Variants in GLDC observed in about 807,000 individuals in gnomAD.
The protein encoded by GLDC is glycine decarboxylase, also known as glycine dehydrogenase (decarboxylating), mitochondrial.
A neutral mutation model predicts 121.3 loss-of-function variants in GLDC; 104 were observed. The observed-to-expected ratio is 0.86, with a 90% CI of 0.73 to 1.01. GLDC has a LOEUF of 1.01. Ranked by LOEUF, GLDC falls within the 50% of genes least tolerant of loss-of-function variation. The pLI, the probability that GLDC is intolerant of heterozygous loss-of-function variation, is 0.00. For missense variants in GLDC, 1,429 were observed against 1,306.6 expected, an observed-to-expected ratio of 1.09 and a Z score of -1.44; for synonymous variants, 546 against 480.6, an observed-to-expected ratio of 1.14 and a Z score of -1.78.
intron 3 of GLDC, among the ~76,000 whole-genome samples, chr9:6,612,282 C>T (rs751672181): frequency 5.3e-5 from 8 of 150,228 alleles, no homozygotes; most frequent in Middle Eastern, 3.2e-3. Context: ...TACACATAGC[C>T]GCACACCAAC....
At chr9:6,570,097 T>C (rs868116060) in intron 15 of GLDC, among the ~76,000 whole-genome samples, 1 of 152,200 alleles carries the variant, frequency 6.6e-6, no homozygotes. Context: ...TTTTTATATA[T>C]GCAAAAAGTA....
rs373987254 is a variant in GLDC at position 6,540,156 on chromosome 9, A to G, written c.2570-10T>C. On this transcript the variant is annotated splice_polypyrimidine_tract_variant and intron_variant, in intron 21 of 24. Transcript: ENST00000321612. ...TCATGACCCACATAACCTGTTCAGG[A>G]AAGTTGTTTCAGCCCAAGATTAGCA... The G allele has an allele frequency of 1.8e-4, 276 of 1,576,200 alleles. No homozygotes were observed. Among genetic ancestry groups the G allele is most frequent in the Non-Finnish European group, 2.0e-4 (230 of 1,145,434 alleles).
intron 15 of GLDC, chr9:6,569,368 G>A (rs971214332): frequency 4.6e-5 from 7 of 152,090 alleles, no homozygotes; most frequent in Non-Finnish European, 8.8e-5. Context: ...AGAAATGGAT[G>A]TTGTGCCGGG....
intron 15 of GLDC, among the ~76,000 whole-genome samples, chr9:6,571,112 A>T (rs987388671): frequency 6.6e-6 from 1 of 152,098 alleles, no homozygotes; most frequent in African/African-American, 2.4e-5. Context: ...TTATAGACAC[A>T]AGCAAGATTA....
rs147184200 is a variant in GLDC at position 6,611,012 on chromosome 9, T to G, written c.471-656A>C. On this transcript the variant is annotated intron_variant, in intron 3 of 24. Transcript: ENST00000321612. ...CATCCAAGAATCTAACATGTAATAC[T>G]CAAACATTTTATTTATTTATTTGGA... is the stretch of plus-strand genomic sequence containing the variant. 5.8e-3 allele frequency among the ~76,000 whole-genome samples: 885 copies of G among 152,362 alleles called. 13 individuals are homozygous for G. The highest frequency in any genetic ancestry group is 0.02 in the African/African-American group (838 of 41,576).
At chr9:6,561,408 G>T (rs1312797450) in intron 16 of GLDC, among the ~76,000 whole-genome samples, 2 of 152,148 alleles carry the variant, frequency 1.3e-5, no homozygotes, top group African/African-American at 4.8e-5. Flanking sequence ...CAGCACTTTG[G>T]GAGGCTGAGG....
At chr9:6,616,477 C>A (rs1191852933) in intron 3 of GLDC, among the ~76,000 whole-genome samples, 1 of 152,158 alleles carries the variant, frequency 6.6e-6, no homozygotes, top group Admixed American at 6.5e-5. Flanking sequence ...TGAAATTAAA[C>A]AGGTGTTAAT....
chr9:6,614,048 A>G (rs907708260), intron 3 of GLDC, among the ~76,000 whole-genome samples: 3 of 151,970 alleles, frequency 2.0e-5, no homozygotes, highest in Admixed American at 2.0e-4. Flanking sequence ...AAGTGCTGGG[A>G]TTACAGGCGT....
intron 10 of GLDC, 67 bp downstream of exon 10, chr9:6,592,784 A>G: frequency 6.9e-7 from 1 of 1,454,388 alleles, no homozygotes. Flanking sequence ...AACAAAGAGA[A>G]AACCTTTTAA....
At chr9:6,589,785 G>A (rs1052463907) in intron 11 of GLDC, among the ~76,000 whole-genome samples, 6 of 152,142 alleles carry the variant, frequency 3.9e-5, no homozygotes, top group Non-Finnish European at 7.4e-5. Flanking sequence ...GGCCAGGCGC[G>A]GTGGCTCACA....
chr9:6,609,861 T>C (rs1459468180), intron 4 of GLDC, among the ~76,000 whole-genome samples: 3 of 152,050 alleles, frequency 2.0e-5, no homozygotes, highest in Non-Finnish European at 4.4e-5. Context: ...CACTTCCCAG[T>C]GGGGGACCTG....
intron 22 of GLDC, among the ~76,000 whole-genome samples, chr9:6,537,083 T>C (rs1587910121): frequency 2.7e-5 from 4 of 150,164 alleles, no homozygotes; most frequent in Non-Finnish European, 4.4e-5. Flanking sequence ...CAGGTTAGAG[T>C]GCACTGGCAC....
intron 3 of GLDC, among the ~76,000 whole-genome samples, chr9:6,619,546 G>C (rs113711324): frequency 7.9e-5 from 12 of 152,054 alleles, no homozygotes; most frequent in African/African-American, 2.9e-4. Flanking sequence ...TGGCCAACAC[G>C]GTGAAACCCC....
rs779156559 is a variant in GLDC at position 6,556,122 on chromosome 9, G to A, written c.2202+31C>T. 3.1e-6 allele frequency: 5 copies of A among 1,588,056 alleles called. No individual in the cohort carries two copies. In the African/African-American group the frequency reaches 6.7e-5, roughly 21 times the overall value. ...TTTCCACATATCCATTTTCTCAGTG[G>A]GAACTAAGGGCGGGCCTCTTCAGTT... is the stretch of plus-strand genomic sequence containing the variant. On this transcript the variant is annotated intron_variant, in intron 18 of 24. Transcript: ENST00000321612.
chr9:6,602,641 C>T (rs1413893161), intron 7 of GLDC, among the ~76,000 whole-genome samples: 13 of 152,152 alleles, frequency 8.5e-5, no homozygotes, highest in Non-Finnish European at 1.9e-4. Flanking sequence ...GCATGAGCCA[C>T]TGTGCCCAGC....
intron 15 of GLDC, among the ~76,000 whole-genome samples, chr9:6,577,761 A>G (rs1818097441): frequency 2.0e-5 from 3 of 151,370 alleles, no homozygotes; most frequent in African/African-American, 4.8e-5. Flanking sequence ...ATTTCACTAT[A>G]TTTTATTTTC....
chr9:6,535,347 T>A (rs531799236), intron 23 of GLDC, among the ~76,000 whole-genome samples: 97 of 151,452 alleles, frequency 6.4e-4, no homozygotes, highest in African/African-American at 2.2e-3. Flanking sequence ...GTGGTAAGCA[T>A]AATCATCTTG....
chr9:6,559,698 C>G (rs1817711299), intron 16 of GLDC, among the ~76,000 whole-genome samples: 1 of 151,660 alleles, frequency 6.6e-6, no homozygotes, highest in Middle Eastern at 3.4e-3. Context: ...GCCTGTAGTC[C>G]CAGCTACTCA....
chr9:6,540,179 G>T, intron 21 of GLDC, 33 bp from the exon 22 acceptor site: 1 of 1,277,834 alleles, frequency 7.8e-7, no homozygotes, highest in South Asian at 1.2e-5. Context: ...CCCAAGATTA[G>T]CATCAGCTTA....
Sources: allele counts gnomAD v4.1 joint callset (sites outside exome capture counted in the v4.1 genomes callset), GRCh38; gene constraint gnomAD v4.1.1; transcripts MANE v1.5; gene names NCBI Gene and HGNC (gene_info 2026-07-23, HGNC 2026-07-21).